TAX1BP1: variants seen among roughly 807,000 people sequenced by gnomAD.
TAX1BP1 encodes the protein tax1-binding protein 1.
TAX1BP1 carries 62 observed loss-of-function variants against 97.7 expected under a neutral mutation model. That is an observed-to-expected ratio of 0.63 (90% CI 0.52 to 0.78). The LOEUF (loss-of-function observed/expected upper bound fraction) is 0.78, where lower values mean the gene tolerates loss of function less well. Ranked by LOEUF, TAX1BP1 falls within the 30% of genes least tolerant of loss-of-function variation. The pLI is 0.00. For missense variants in TAX1BP1, 867 were observed against 916.1 expected (o/e 0.95, Z 0.69); for synonymous variants, 340 against 304.2 (o/e 1.12, Z -1.23).
intron 3 of TAX1BP1, among the ~76,000 whole-genome samples, chr7:27,759,628 C>T (rs903248504): frequency 6.6e-6 from 1 of 151,524 alleles, no homozygotes; most frequent in Non-Finnish European, 1.5e-5. Context: ...TATTGCTTTC[C>T]CCTGGGGCTG....
At chr7:27,764,638 A>G (rs374819708) in intron 3 of TAX1BP1, among the ~76,000 whole-genome samples, 1 of 152,140 alleles carries the variant, frequency 6.6e-6, no homozygotes, top group African/African-American at 2.4e-5. Flanking sequence ...GACTGTGGAA[A>G]TATCTTGTTT....
intron 5 of TAX1BP1, among the ~76,000 whole-genome samples, chr7:27,774,855 A>G (rs1359713099): frequency 6.6e-6 from 1 of 152,136 alleles, no homozygotes; most frequent in Non-Finnish European, 1.5e-5. Context: ...AACAGCTAAC[A>G]AATGAATTGA....
intron 16 of TAX1BP1, 28 bp from the exon 17 acceptor site, chr7:27,828,600 A>G (rs776811311): frequency 1.9e-6 from 3 of 1,604,154 alleles, no homozygotes; most frequent in South Asian, 1.1e-5. Flanking sequence ...TATTAGAAAC[A>G]TGTAATTCTT....
At chr7:27,773,701 C>G (rs1454081192) in intron 5 of TAX1BP1, among the ~76,000 whole-genome samples, 1 of 152,064 alleles carries the variant, frequency 6.6e-6, no homozygotes, top group Middle Eastern at 3.4e-3. Context: ...TTACATTTAT[C>G]AAAGACTTCT....
intron 16 of TAX1BP1, 106 bp from the exon 17 acceptor site, chr7:27,828,522 T>C (rs762421143): frequency 2.4e-5 from 24 of 1,015,380 alleles, no homozygotes; most frequent in Non-Finnish European, 3.3e-5. Flanking sequence ...GTAGGTTGTT[T>C]AGTATGAATA....
intron 8 of TAX1BP1, 65 bp downstream of exon 8, chr7:27,787,668 A>G (rs772931827): frequency 2.4e-5 from 32 of 1,358,832 alleles, no homozygotes; most frequent in Non-Finnish European, 3.1e-5. Flanking sequence ...ATGCAATATG[A>G]TTTTCATTTT....
intron 14 of TAX1BP1, 22 bp from the exon 15 acceptor site, chr7:27,816,868 C>G (rs766031307): frequency 1.2e-6 from 2 of 1,612,970 alleles, no homozygotes; most frequent in East Asian, 2.2e-5. Flanking sequence ...TTCACTCTAC[C>G]TTTCCAAAAA....
chr7:27,746,130 A>G (rs1193824395), intron 1 of TAX1BP1, among the ~76,000 whole-genome samples: 1 of 152,058 alleles, frequency 6.6e-6, no homozygotes, highest in Non-Finnish European at 1.5e-5. Flanking sequence ...AGGAAATGAT[A>G]TGTTAAATTT....
chr7:27,828,864 T>TTAA lies in TAX1BP1; in HGVS notation c.*35_*36insTAA, dbSNP rs1554326096. On this transcript the variant is annotated 3_prime_UTR_variant, in exon 17 of 17. Transcript: ENST00000396319. Reference sequence around the variant, plus strand: ...ATTATGAGTTAATATAGTTTAGCAGTAAAAAAAAAAAAAAAAACCACACCT... The same window carrying TTAA: ...ATTATGAGTTAATATAGTTTAGCAGTTAAAAAAAAAAAAAAAAAAACCACACCT... 5.5e-5 allele frequency: 54 copies of TTAA among 988,810 alleles called. No homozygotes were observed. Among genetic ancestry groups the TTAA allele is most frequent in the South Asian group, 1.4e-4 (8 of 57,372 alleles). 61.3% of individuals were successfully genotyped at this position (988,810 alleles called of 1,614,324 possible). A position where few individuals can be genotyped will look rare whatever the true frequency, so the allele number is the denominator to read the frequency against.
chr7:27,775,694 A>G lies in TAX1BP1; in HGVS notation c.612+5860A>G, dbSNP rs150220389. Among the ~76,000 whole-genome samples, 34 of 152,216 alleles carry G rather than the reference A, an allele frequency of 2.2e-4. 2 individuals carry two copies. The South Asian group carries it at 4.6e-3, about 20-fold the overall frequency. On this transcript the variant is annotated intron_variant, in intron 5 of 16. Coordinates refer to ENST00000396319, the MANE Select transcript of TAX1BP1 (RefSeq NM_006024.7). ...ATGAGGTAGTAGTAGCCAGGCTGCA[A>G]TTGCCCTACCTTCTGTGGAATCCTC...
intron 5 of TAX1BP1, among the ~76,000 whole-genome samples, chr7:27,777,018 T>A (rs1209915456): frequency 6.6e-6 from 1 of 152,196 alleles, no homozygotes; most frequent in African/African-American, 2.4e-5. Flanking sequence ...CTTTCATGTT[T>A]CTATGTGTTT....
In TAX1BP1 at chr7:27,816,341, A is replaced by C. The variant is rs754283398; in HGVS notation, c.1765-8A>C. 2 of 1,551,732 alleles carry C rather than the reference A, an allele frequency of 1.3e-6. No homozygotes were observed. Among genetic ancestry groups the C allele is most frequent in the Non-Finnish European group, 1.7e-6 (2 of 1,160,274 alleles). On this transcript the variant is annotated splice_region_variant and splice_polypyrimidine_tract_variant and intron_variant, in intron 13 of 16. Coordinates refer to ENST00000396319, the MANE Select transcript of TAX1BP1 (RefSeq NM_006024.7). ...TTGCTTATTCATCTTTGTTTTTGTT[A>C]ATTTTAGGAACTTAAAAGGAGTCTA...
intron 13 of TAX1BP1, among the ~76,000 whole-genome samples, chr7:27,814,170 T>C (rs1790674382): frequency 6.6e-6 from 1 of 151,868 alleles, no homozygotes; most frequent in Admixed American, 6.6e-5. Flanking sequence ...TTTTCTGTAG[T>C]CACGTGCCAG....
At chr7:27,810,571 G>A (rs777504004) in intron 13 of TAX1BP1, among the ~76,000 whole-genome samples, 4 of 152,124 alleles carry the variant, frequency 2.6e-5, no homozygotes, top group Non-Finnish European at 4.4e-5. Context: ...CATTTTTACC[G>A]TGTTGTTATT....
intron 8 of TAX1BP1, among the ~76,000 whole-genome samples, chr7:27,788,898 C>T (rs751242100): frequency 1.3e-5 from 2 of 152,016 alleles, no homozygotes; most frequent in Non-Finnish European, 2.9e-5. Context: ...CTGCTTTGCA[C>T]ATTCAGTGGG....
At chr7:27,799,706 C>T (rs919035751) in intron 12 of TAX1BP1, among the ~76,000 whole-genome samples, 4 of 152,076 alleles carry the variant, frequency 2.6e-5, no homozygotes. Context: ...TAGCAACTTG[C>T]TATTTTCAAT....
chr7:27,746,387 C>T (rs61663142), intron 1 of TAX1BP1, among the ~76,000 whole-genome samples: 1,567 of 118,248 alleles, frequency 0.013, 15 homozygotes, highest in African/African-American at 0.035. Context: ...TTTTTTTTTT[C>T]TTTTTTTTTT....
intron 8 of TAX1BP1, among the ~76,000 whole-genome samples, chr7:27,790,674 T>G: frequency 6.6e-6 from 1 of 152,106 alleles, no homozygotes; most frequent in East Asian, 1.9e-4. Flanking sequence ...TCTATACCCT[T>G]TGATAATTTT....
chr7:27,803,290 T>A, intron 13 of TAX1BP1: 1 of 1,071,762 alleles, frequency 9.3e-7, no homozygotes, highest in East Asian at 3.0e-5. Context: ...TGTTCAAATT[T>A]AGGAAAACAG....
Sources: gnomAD v4.1 joint callset for allele counts (sites outside exome capture counted in the v4.1 genomes callset) on GRCh38, gnomAD v4.1.1 for gene constraint, MANE v1.5 for transcripts, NCBI Gene and HGNC (gene_info 2026-07-23, HGNC 2026-07-21) for gene names.